ADH5: variants seen among roughly 807,000 people sequenced by gnomAD.
ADH5 encodes the protein alcohol dehydrogenase 5 (class III), chi polypeptide.
In ADH5, 32 loss-of-function variants were observed where a neutral mutation model predicts 40.3. The ratio of observed to expected loss-of-function variants is 0.79; its 90% confidence interval spans 0.60 to 1.07. The LOEUF (loss-of-function observed/expected upper bound fraction) is 1.07. Among genes scored for constraint, ADH5 ranks in the 50% least tolerant of loss-of-function variants. The pLI, the probability that ADH5 is intolerant of heterozygous loss-of-function variation, is 0.00. For missense variants in ADH5, 353 were observed against 460.5 expected (o/e 0.77, Z 2.14); for synonymous variants, 125 against 154.3 (o/e 0.81, Z 1.41).
chr4:99,076,784 G>C lies in ADH5; in HGVS notation c.484C>G (p.Pro162Ala), dbSNP rs1420680681. The C allele has an allele frequency of 1.2e-6, 2 of 1,613,838 alleles. No individual in the cohort carries two copies. The highest frequency in any genetic ancestry group is 2.7e-5 in the African/African-American group (2 of 74,906). Residue 162 changes from proline to alanine, a missense_variant, in exon 5 of 9, where the codon CCT becomes GCT. Physicochemically the swap from Pro to Ala is conservative, Grantham distance 27. Coordinates refer to ENST00000296412, the MANE Select transcript of ADH5 (RefSeq NM_000671.4). ...VADISVAKID[P>A]LAPLDKVCLL... is the part of the protein sequence containing the mutation. ...CAGACTTTATCCAAAGGTGCTAAAG[G>C]ATCTATTTTAGCAACAGAGATATCA... is the stretch of plus-strand genomic sequence containing the variant.
At position 99,088,779 on chromosome 4, in the gene ADH5, G is replaced by T. The variant is rs1728206605; in HGVS notation, c.-79C>A. The T allele has an allele frequency of 1.5e-6, 1 of 677,114 alleles. No individual in the cohort carries two copies. The highest frequency in any genetic ancestry group is 2.2e-6 in the Non-Finnish European group (1 of 451,256). The allele number at this position is 677,114 out of a possible 1,614,324, so 41.9% of individuals were successfully genotyped here. On this transcript the variant is annotated 5_prime_UTR_variant, in exon 1 of 9. Transcript: ENST00000296412. Reference sequence around the variant, plus strand: ...CGACGGAGGCATGGGCGTGGCGAGCGCCTAGCGAGGGGGGCGGGGCGTGGG... The same window carrying T: ...CGACGGAGGCATGGGCGTGGCGAGCTCCTAGCGAGGGGGGCGGGGCGTGGG...
At chr4:99,072,890 C>G (rs959244018) in intron 7 of ADH5, among the ~76,000 whole-genome samples, 179 bp from the exon 8 acceptor site, 2 of 152,288 alleles carry the variant, frequency 1.3e-5, no homozygotes, top group South Asian at 4.1e-4. Context: ...GAAGTAAATA[C>G]TTTTGAAATT....
intron 7 of ADH5, among the ~76,000 whole-genome samples, chr4:99,073,321 G>A (rs976055630): frequency 6.6e-6 from 1 of 152,320 alleles, no homozygotes; most frequent in Admixed American, 6.5e-5. Context: ...TGGGACTACA[G>A]GCGCCTGCCA....
intron 3 of ADH5, 63 bp downstream of exon 3, chr4:99,081,912 A>T: frequency 2.5e-6 from 4 of 1,571,326 alleles, no homozygotes; most frequent in Non-Finnish European, 3.5e-6. Context: ...TTTATCAGAA[A>T]AACAATTTCC....
rs750968307 is a variant in ADH5, at chr4:99,081,212, CTCTT to C, written c.344+149_344+152del. Among the ~76,000 whole-genome samples, 115 of 150,436 alleles carry C rather than the reference CTCTT, an allele frequency of 7.6e-4. 1 individual carries two copies. Among genetic ancestry groups the C allele is most frequent in the Non-Finnish European group, 5.8e-4 (39 of 67,702 alleles). ...ACGAAATGCTTAAAAGGTAGCTTGACTCTTTGTTCGGGACTCAGTCCTTTGAACG... is the reference window on the plus strand; with the variant it reads ...ACGAAATGCTTAAAAGGTAGCTTGACTGTTCGGGACTCAGTCCTTTGAACG... On this transcript the variant is annotated intron_variant, in intron 4 of 8. Transcript: ENST00000296412.
rs773369050 is a variant in ADH5 at position 99,075,099 on chromosome 4, G to A, written c.826-50C>T. On this transcript the variant is annotated intron_variant, in intron 6 of 8. Coordinates refer to ENST00000296412, the MANE Select transcript of ADH5 (RefSeq NM_000671.4). ...ATCACAGAAGTCAGTGCATTTTCCT[G>A]AGAACAACTGCTGGCGAAACTTCTA... 2.1e-6 allele frequency: 3 copies of A among 1,434,278 alleles called. No homozygotes were observed. The East Asian group carries it at 7.7e-5, about 37-fold the overall frequency. The allele number at this position is 1,434,278 out of a possible 1,614,324, so 88.8% of individuals were successfully genotyped here.
chr4:99,074,086 T>C (rs1417103318), intron 7 of ADH5, among the ~76,000 whole-genome samples: 1 of 152,184 alleles, frequency 6.6e-6, no homozygotes, highest in East Asian at 1.9e-4. Context: ...AATCTTTTCT[T>C]CTGGCCTTCA....
At chr4:99,084,707 G>A (rs1438456593) in intron 2 of ADH5, among the ~76,000 whole-genome samples, 2 of 152,026 alleles carry the variant, frequency 1.3e-5, no homozygotes, top group Non-Finnish European at 2.9e-5. Flanking sequence ...TCTTTCTTGC[G>A]TGAGGTACAA....
intron 2 of ADH5, among the ~76,000 whole-genome samples, chr4:99,082,619 C>T (rs1728048105): frequency 6.6e-6 from 1 of 152,200 alleles, no homozygotes. Context: ...TTTTTACAAA[C>T]CACATACAAG....
In ADH5 at chr4:99,076,938, A is replaced by T. The variant is rs2110459983; in HGVS notation, c.345-15T>A. ...CTTGAGTGACTCTAAAGAAAAAAAAAGGAAAAAGGCAAGTTGGAATTAGGT... is the reference window on the plus strand; with the variant it reads ...CTTGAGTGACTCTAAAGAAAAAAAATGGAAAAAGGCAAGTTGGAATTAGGT... On this transcript the variant is annotated splice_polypyrimidine_tract_variant and intron_variant, in intron 4 of 8. Coordinates refer to ENST00000296412, the MANE Select transcript of ADH5 (RefSeq NM_000671.4). The T allele has an allele frequency of 1.9e-6, 3 of 1,579,138 alleles. No individual in the cohort carries two copies. The East Asian group carries it at 6.7e-5, about 35-fold the overall frequency.
chr4:99,088,362 A>C (rs910539710), intron 1 of ADH5, among the ~76,000 whole-genome samples: 8 of 152,108 alleles, frequency 5.3e-5, no homozygotes, highest in African/African-American at 1.9e-4. Flanking sequence ...TTCGTGTAAG[A>C]AGCAATGCGT....
chr4:99,081,847 C>T (rs985747540), intron 3 of ADH5, 128 bp downstream of exon 3: 7 of 923,686 alleles, frequency 7.6e-6, no homozygotes, highest in Non-Finnish European at 1.1e-5. Flanking sequence ...GATGAGGAAT[C>T]AACTTAATCT....
chr4:99,087,092 G>A (rs953696126), intron 1 of ADH5, among the ~76,000 whole-genome samples: 1 of 151,384 alleles, frequency 6.6e-6, no homozygotes, highest in Non-Finnish European at 1.5e-5. Context: ...TATAAAAAAT[G>A]GCCTCTGTAG....
At chr4:99,076,195 G>C in intron 6 of ADH5, 97 bp downstream of exon 6, 2 of 1,312,874 alleles carry the variant, frequency 1.5e-6, no homozygotes, top group Non-Finnish European at 2.1e-6. Context: ...CTTATTAAGA[G>C]ACTTTTCCTT....
At chr4:99,083,704 G>C (rs1009650949) in intron 2 of ADH5, among the ~76,000 whole-genome samples, 1 of 151,956 alleles carries the variant, frequency 6.6e-6, no homozygotes, top group African/African-American at 2.4e-5. Flanking sequence ...AGTATGTGTG[G>C]TGTGTTTTGA....
rs1579359287 is a variant in ADH5 at position 99,071,720 on chromosome 4, G to A, written c.*697C>T. The A allele has an allele frequency of 6.6e-6, 1 of 152,320 alleles. No homozygotes were observed. The highest frequency in any genetic ancestry group is 2.4e-5 in the African/African-American group (1 of 41,568). 9.4% of individuals were successfully genotyped at this position (152,320 alleles called of 1,614,324 possible). A position where few individuals can be genotyped will look rare whatever the true frequency, so the allele number is the denominator to read the frequency against. ...TGATCTCGAAGTGGCAAAATGTTAA[G>A]ATTTGACAAAAGTAGGTGCTGAGAA... On this transcript the variant is annotated 3_prime_UTR_variant, in exon 9 of 9. Transcript: ENST00000296412.
Position 99,082,093 on chromosome 4 carries a change from G to A in ADH5, c.138C>T (p.His46=), listed in dbSNP as rs1475393535. The A allele has an allele frequency of 1.2e-6, 2 of 1,613,792 alleles. No individual in the cohort carries two copies. Among genetic ancestry groups the A allele is most frequent in the Non-Finnish European group, 1.7e-6 (2 of 1,179,844 alleles). Residue 46 remains histidine, a synonymous_variant, in exon 3 of 9, where the codon CAC becomes CAT. Coordinates refer to ENST00000296412, the MANE Select transcript of ADH5 (RefSeq NM_000671.4). ...CTCCACTCAGGGTATAGGCATCGGT[G>A]TGGCAAACCGCAGTGGCAATGATCT... ...RIKIIATAVC[H]TDAYTLSGAD...
intron 4 of ADH5, among the ~76,000 whole-genome samples, chr4:99,077,467 C>T (rs1579362357): frequency 1.3e-5 from 2 of 152,054 alleles, no homozygotes; most frequent in East Asian, 3.8e-4. Flanking sequence ...TACATTCCAG[C>T]CTGGGTGACA....
intron 2 of ADH5, 133 bp from the exon 3 acceptor site, chr4:99,082,249 C>G (rs1323302525): frequency 9.8e-7 from 1 of 1,024,896 alleles, no homozygotes. Flanking sequence ...ATATTTTAAC[C>G]TCTCTAAAAT....
Sources: gnomAD v4.1 joint callset for allele counts (sites outside exome capture counted in the v4.1 genomes callset) on GRCh38, gnomAD v4.1.1 for gene constraint, MANE v1.5 for transcripts, NCBI Gene and HGNC (gene_info 2026-07-23, HGNC 2026-07-21) for gene names.